The following ARHGAP26 variants were observed in gnomAD, a reference collection of about 807,000 sequenced individuals.
ARHGAP26 encodes Rho GTPase activating protein 26, also known as rho GTPase-activating protein 26.
ARHGAP26 carries 38 observed loss-of-function variants against 104.8 expected under a neutral mutation model. The ratio of observed to expected loss-of-function variants is 0.36; its 90% CI spans 0.28 to 0.48. The LOEUF (loss-of-function observed/expected upper bound fraction) is 0.48. Among genes scored for constraint, ARHGAP26 ranks in the 20% least tolerant of loss-of-function variants. The probability of loss-of-function intolerance (pLI) is 0.99; values close to 1 mark genes in which losing one functional copy is unlikely to be tolerated. For synonymous variants in ARHGAP26, 341 were observed against 340.0 expected, an observed-to-expected ratio of 1.00 and a Z score of -0.03; for missense variants, 704 against 947.9, an observed-to-expected ratio of 0.74 and a Z score of 3.38.
chr5:143,136,345 G>GATGCAAA (rs1562489022), intron 19 of ARHGAP26, among the ~76,000 whole-genome samples: 1 of 152,192 alleles, frequency 6.6e-6, no homozygotes, highest in Non-Finnish European at 1.5e-5. Context: ...GTAGACAGGG[G>GATGCAAA]ATGCAAAAGG....
intron 14 of ARHGAP26, among the ~76,000 whole-genome samples, chr5:143,048,607 G>A (rs551798256): frequency 1.3e-5 from 2 of 150,892 alleles, no homozygotes; most frequent in South Asian, 2.1e-4. Flanking sequence ...TTTTCTAAAC[G>A]AATTATGCCA....
chr5:143,010,459 C>G (rs1778581356), intron 11 of ARHGAP26, among the ~76,000 whole-genome samples: 1 of 152,192 alleles, frequency 6.6e-6, no homozygotes, highest in African/African-American at 2.4e-5. Flanking sequence ...TAAACAAAAC[C>G]ATTCCTGCTT....
At chr5:143,148,836 G>A (rs1799460681) in intron 20 of ARHGAP26, among the ~76,000 whole-genome samples, 3 of 152,152 alleles carry the variant, frequency 2.0e-5, no homozygotes. Context: ...CCTAGCAGTT[G>A]CTGAAGTGAT....
intron 20 of ARHGAP26, chr5:143,169,958 T>C (rs1171163411): frequency 6.6e-6 from 1 of 152,224 alleles, no homozygotes; most frequent in African/African-American, 2.4e-5. Flanking sequence ...GTTGACTGAC[T>C]GCCTCCTTTA....
rs562938750 is a variant in ARHGAP26 at position 142,916,765 on chromosome 5, C to T, written c.1028+3472C>T. The stretch of plus-strand genomic sequence containing the variant: ...AGGCAAAAGGCAAAAACAACCACCA[C>T]AATAAAACCCCTGCCTTTTTAAAGG... On this transcript the variant is annotated intron_variant, in intron 10 of 22. Coordinates refer to ENST00000645722, the MANE Select transcript of ARHGAP26 (RefSeq NM_001135608.3). Among the ~76,000 whole-genome samples, 7 of 152,272 alleles carry T rather than the reference C, an allele frequency of 4.6e-5. No individual in the cohort carries two copies. The South Asian group carries it at 1.5e-3, about 32-fold the overall frequency.
chr5:142,810,036 A>C (rs1763761291), intron 1 of ARHGAP26, among the ~76,000 whole-genome samples: 1 of 152,206 alleles, frequency 6.6e-6, no homozygotes, highest in Non-Finnish European at 1.5e-5. Context: ...GGAGCAGACT[A>C]GACCCCTAGG....
intron 21 of ARHGAP26, among the ~76,000 whole-genome samples, chr5:143,210,182 C>T (rs1048408342): frequency 5.9e-5 from 9 of 152,094 alleles, no homozygotes; most frequent in Non-Finnish European, 1.0e-4. Context: ...TGCAGTTCCA[C>T]GTGGCTGGGG....
At chr5:143,103,594 A>G (rs1185568022) in intron 17 of ARHGAP26, among the ~76,000 whole-genome samples, 1 of 152,144 alleles carries the variant, frequency 6.6e-6, no homozygotes, top group African/African-American at 2.4e-5. Context: ...TGGCACATAT[A>G]CACCATGGAA....
At chr5:143,186,169 C>T (rs958103270) in intron 20 of ARHGAP26, among the ~76,000 whole-genome samples, 1 of 152,204 alleles carries the variant, frequency 6.6e-6, no homozygotes, top group Non-Finnish European at 1.5e-5. Context: ...GTTTGTCACT[C>T]ACCTTGTGGA....
intron 11 of ARHGAP26, among the ~76,000 whole-genome samples, chr5:142,995,577 G>T (rs952859234): frequency 6.6e-6 from 1 of 152,218 alleles, no homozygotes; most frequent in South Asian, 2.1e-4. Flanking sequence ...GTGTAAATTA[G>T]TTCAACCGTT....
rs1420502998 is a variant in ARHGAP26, at chr5:143,228,875, T to C, written c.*6429T>C. The C allele has an allele frequency of 5.3e-6, 1 of 187,694 alleles. No individual in the cohort carries two copies. Among genetic ancestry groups the C allele is most frequent in the Non-Finnish European group, 1.1e-5 (1 of 88,992 alleles). The allele number at this position is 187,694 out of a possible 1,614,324, so 11.6% of individuals were successfully genotyped here. On this transcript the variant is annotated 3_prime_UTR_variant, in exon 23 of 23. Transcript: ENST00000645722. ...GCTTTTGTGTCACCAAATATATCTA[T>C]AAAGAAAACAAAATTTCTGTTCAGA...
intron 19 of ARHGAP26, among the ~76,000 whole-genome samples, chr5:143,145,565 GTTGT>G (rs1431091427): frequency 4.6e-5 from 7 of 152,146 alleles, no homozygotes; most frequent in African/African-American, 1.4e-4. Flanking sequence ...TAATCTTAGC[GTTGT>G]TTTTCTTTCT....
At chr5:142,826,059 T>A (rs990956508) in intron 1 of ARHGAP26, among the ~76,000 whole-genome samples, 1 of 152,244 alleles carries the variant, frequency 6.6e-6, no homozygotes, top group Non-Finnish European at 1.5e-5. Flanking sequence ...TGTGCTTCAT[T>A]GATAGAATTA....
intron 17 of ARHGAP26, among the ~76,000 whole-genome samples, chr5:143,115,745 A>G (rs1021013636): frequency 6.6e-6 from 1 of 152,152 alleles, no homozygotes; most frequent in Non-Finnish European, 1.5e-5. Flanking sequence ...TACAAGCTAC[A>G]AGCTACATAT....
At chr5:143,179,072 G>A (rs1329603318) in intron 20 of ARHGAP26, among the ~76,000 whole-genome samples, 3 of 152,100 alleles carry the variant, frequency 2.0e-5, no homozygotes, top group Non-Finnish European at 4.4e-5. Context: ...GTTTCACCAT[G>A]TTGGCCAGGC....
chr5:143,012,305 G>A (rs764928635), intron 11 of ARHGAP26, among the ~76,000 whole-genome samples: 32 of 151,128 alleles, frequency 2.1e-4, no homozygotes, highest in Non-Finnish European at 2.8e-4. Context: ...GACTCCTTCA[G>A]TTTATGGATG....
chr5:142,772,627 C>G (rs1755448243), intron 1 of ARHGAP26: 1 of 439,666 alleles, frequency 2.3e-6, no homozygotes, highest in South Asian at 1.7e-5. Context: ...ATTCATTCTG[C>G]AAATGAGAAA....
intron 12 of ARHGAP26, among the ~76,000 whole-genome samples, chr5:143,034,655 A>G (rs7730716): frequency 0.51 from 77,968 of 151,926 alleles, 23,566 homozygotes; most frequent in Non-Finnish European, 0.7. Context: ...GAGTTAGATA[A>G]TAGTGATTAA....
chr5:143,158,077 G>A (rs1800720448), intron 20 of ARHGAP26, among the ~76,000 whole-genome samples: 1 of 152,228 alleles, frequency 6.6e-6, no homozygotes, highest in African/African-American at 2.4e-5. Context: ...ATAAAAATTG[G>A]TTTCTACTAT....
Sources: gnomAD v4.1 joint callset for allele counts (sites outside exome capture counted in the v4.1 genomes callset) on GRCh38, gnomAD v4.1.1 for gene constraint, MANE v1.5 for transcripts, NCBI Gene and HGNC (gene_info 2026-07-23, HGNC 2026-07-21) for gene names.